The following RAB1A variants were observed in gnomAD, a reference collection of about 807,000 sequenced individuals.
RAB1A encodes the protein RAB1A, member RAS oncogene family.
Under a neutral mutation model 26.0 loss-of-function variants are expected in RAB1A, and 2 were observed. The observed-to-expected ratio is 0.08, with a 90% CI of 0.03 to 0.24. The LOEUF (loss-of-function observed/expected upper bound fraction) is 0.24, where lower values mean the gene tolerates loss of function less well. Among genes scored for constraint, RAB1A ranks in the 10% least tolerant of loss-of-function variants. The pLI, the probability that RAB1A is intolerant of heterozygous loss-of-function variation, is 1.00. For synonymous variants in RAB1A, 84 were observed against 84.9 expected (o/e 0.99, Z 0.06); for missense variants, 100 against 247.0 (o/e 0.40, Z 3.99).
chr2:65,118,056 C>T (rs1669865475), intron 1 of RAB1A, among the ~76,000 whole-genome samples: 1 of 152,194 alleles, frequency 6.6e-6, no homozygotes, highest in African/African-American at 2.4e-5. Flanking sequence ...GCATTTTCTT[C>T]ATGGGATTAT....
At chr2:65,106,343 AACC>A (rs1371232069) in intron 1 of RAB1A, 7 of 312,094 alleles carry the variant, frequency 2.2e-5, no homozygotes, top group Non-Finnish European at 3.2e-5. Flanking sequence ...CTAAAGTGAA[AACC>A]ACGTCACAAT....
At chr2:65,123,889 T>C (rs1362606109) in intron 1 of RAB1A, among the ~76,000 whole-genome samples, 2 of 114,740 alleles carry the variant, frequency 1.7e-5, no homozygotes, top group Non-Finnish European at 1.9e-5. Flanking sequence ...CTTCCATCTT[T>C]AAGACAACGT....
At chr2:65,101,314 T>A (rs1008869495) in intron 2 of RAB1A, among the ~76,000 whole-genome samples, 4 of 152,128 alleles carry the variant, frequency 2.6e-5, no homozygotes, top group Admixed American at 2.0e-4. Flanking sequence ...TTATTCATCC[T>A]TCAGTTTTGA....
In RAB1A at chr2:65,087,029, T is replaced by G. The variant is rs1669048729; in HGVS notation, c.*1464A>C. The G allele has an allele frequency of 6.6e-6, 1 of 152,260 alleles. No homozygotes were observed. Among genetic ancestry groups the G allele is most frequent in the South Asian group, 2.1e-4 (1 of 4,838 alleles). 9.4% of individuals were successfully genotyped at this position (152,260 alleles called of 1,614,324 possible). ...ATTCATTTTTGGCTTGTGTTTAGCT[T>G]AAATTTTATCATTAAATTAAGGAGC... On this transcript the variant is annotated 3_prime_UTR_variant, in exon 6 of 6. Coordinates refer to ENST00000409784, the MANE Select transcript of RAB1A (RefSeq NM_004161.5).
intron 2 of RAB1A, among the ~76,000 whole-genome samples, chr2:65,101,804 C>T (rs1028195304): frequency 2.4e-5 from 3 of 126,070 alleles, no homozygotes; most frequent in African/African-American, 6.4e-5. Flanking sequence ...GGCTGGAGTG[C>T]AATGGTGCGA....
At position 65,111,353 on chromosome 2, in the gene RAB1A, C is replaced by A. The variant is rs778761391; in HGVS notation, c.24-6547G>T. On this transcript the variant is annotated intron_variant, in intron 1 of 5. Transcript: ENST00000409784. ...CTCCAGCCTAGGCGACAGAACGAGA[C>A]ACCATCTCAAAAAAAAAAAAAAAAT... Among the ~76,000 whole-genome samples, 210 of 147,186 alleles carry A rather than the reference C, an allele frequency of 1.4e-3. 2 individuals carry two copies. Among genetic ancestry groups the A allele is most frequent in the Admixed American group, 4.7e-3 (70 of 14,804 alleles).
intron 1 of RAB1A, among the ~76,000 whole-genome samples, chr2:65,112,607 G>A (rs969389965): frequency 2.6e-5 from 4 of 151,968 alleles, no homozygotes; most frequent in Admixed American, 6.6e-5. Context: ...ATAATACTAC[G>A]AGCAGATATT....
intron 2 of RAB1A, among the ~76,000 whole-genome samples, chr2:65,103,304 A>AAAAAAAAAAAAACAAAAC (rs757626011): frequency 8.9e-6 from 1 of 112,502 alleles, no homozygotes; most frequent in Admixed American, 1.0e-4. Context: ...TGTCTCAAAA[A>AAAAAAAAAAAAACAAAAC]AAAAAAAAAA....
At chr2:65,126,993 C>T (rs1227457347) in intron 1 of RAB1A, among the ~76,000 whole-genome samples, 1 of 152,220 alleles carries the variant, frequency 6.6e-6, no homozygotes, top group Non-Finnish European at 1.5e-5. Flanking sequence ...CACTTCCTCT[C>T]ACCCTAAGTA....
chr2:65,117,410 G>A (rs1276277847), intron 1 of RAB1A, among the ~76,000 whole-genome samples: 1 of 151,868 alleles, frequency 6.6e-6, no homozygotes, highest in African/African-American at 2.4e-5. Context: ...GGTTGCTCAG[G>A]CTGATTTGAA....
intron 1 of RAB1A, among the ~76,000 whole-genome samples, chr2:65,129,095 G>A (rs774919329): frequency 1.3e-5 from 2 of 150,364 alleles, no homozygotes; most frequent in Non-Finnish European, 2.9e-5. Context: ...CAACTTGACA[G>A]CAAGCTTCCT....
rs1447593242 is a variant in RAB1A, at chr2:65,097,364, C to G, written c.192+607G>C. On this transcript the variant is annotated intron_variant, in intron 3 of 5. Coordinates refer to ENST00000409784, the MANE Select transcript of RAB1A (RefSeq NM_004161.5). ...AGGGGGATAGGATGGCACAGAGACA[C>G]AAAATATTGAAGACAGAGCTTCGGT... Among the ~76,000 whole-genome samples, 3 of 152,140 alleles carry G rather than the reference C, an allele frequency of 2.0e-5. No homozygotes were observed. In the East Asian group the frequency reaches 5.8e-4, roughly 29 times the overall value.
In RAB1A at chr2:65,092,003, G is replaced by A. The variant is rs189774255; in HGVS notation, c.193-925C>T. Among the ~76,000 whole-genome samples, 378 of 152,308 alleles carry A rather than the reference G, an allele frequency of 2.5e-3. 4 individuals carry two copies. Among genetic ancestry groups the A allele is most frequent in the African/African-American group, 8.5e-3 (355 of 41,574 alleles). Reference sequence around the variant, plus strand: ...TTAAAAAACTGTTGGGACTGGGTACGGTGGCTCACGCCTGTAATCCCAGCA... The same window carrying A: ...TTAAAAAACTGTTGGGACTGGGTACAGTGGCTCACGCCTGTAATCCCAGCA... On this transcript the variant is annotated intron_variant, in intron 3 of 5. Transcript: ENST00000409784.
intron 3 of RAB1A, among the ~76,000 whole-genome samples, chr2:65,095,739 T>G (rs1669267813): frequency 6.6e-6 from 1 of 151,042 alleles, no homozygotes; most frequent in Non-Finnish European, 1.5e-5. Context: ...AACCCAGGCG[T>G]GGTGGCTCAC....
intron 1 of RAB1A, among the ~76,000 whole-genome samples, chr2:65,127,756 C>G (rs1163835573): frequency 1.3e-5 from 2 of 151,988 alleles, no homozygotes; most frequent in African/African-American, 4.8e-5. Flanking sequence ...TTTTTTGAGA[C>G]GGAGTCTTGC....
chr2:65,114,216 A>G (rs1161694401), intron 1 of RAB1A: 12 of 384,900 alleles, frequency 3.1e-5, no homozygotes, highest in Non-Finnish European at 6.1e-5. Flanking sequence ...CATGTCAATG[A>G]ACACTTTACA....
At position 65,127,708 on chromosome 2, in the gene RAB1A, C is replaced by A. The variant is rs576590128; in HGVS notation, c.23+2185G>T. Among the ~76,000 whole-genome samples the A allele has an allele frequency of 1.1e-4, 17 of 152,286 alleles. No individual in the cohort carries two copies. The South Asian group carries it at 3.5e-3, about 32-fold the overall frequency. On this transcript the variant is annotated intron_variant, in intron 1 of 5. Coordinates refer to ENST00000409784, the MANE Select transcript of RAB1A (RefSeq NM_004161.5). ...CGCCATTGCACTCCAGCCTGGGCAA[C>A]AAGATTGAAACTCCGTCTCAAAACA... is the stretch of plus-strand genomic sequence containing the variant.
At chr2:65,117,030 T>C (rs1669842099) in intron 1 of RAB1A, among the ~76,000 whole-genome samples, 1 of 152,048 alleles carries the variant, frequency 6.6e-6, no homozygotes, top group Non-Finnish European at 1.5e-5. Flanking sequence ...AAATAATACA[T>C]ACCTCACAAA....
At chr2:65,095,900 T>A (rs1298249894) in intron 3 of RAB1A, among the ~76,000 whole-genome samples, 1 of 152,014 alleles carries the variant, frequency 6.6e-6, no homozygotes, top group Non-Finnish European at 1.5e-5. Flanking sequence ...ATGCCTGTAA[T>A]CCCAGCACTT....
Sources: allele counts gnomAD v4.1 joint callset (sites outside exome capture counted in the v4.1 genomes callset), GRCh38; gene constraint gnomAD v4.1.1; transcripts MANE v1.5; gene names NCBI Gene and HGNC (gene_info 2026-07-23, HGNC 2026-07-21).